CPED1: variants seen among roughly 807,000 people sequenced by gnomAD.
The protein encoded by CPED1 is cadherin-like and PC-esterase domain-containing protein 1.
Under a neutral mutation model 128.2 loss-of-function variants are expected in CPED1, and 114 were observed. The observed-to-expected ratio is 0.89, with a 90% confidence interval of 0.76 to 1.04. CPED1 has a LOEUF of 1.04. CPED1 is among the 50% of genes least tolerant of loss of function. CPED1 has a pLI of 0.00. For synonymous variants in CPED1, 462 were observed against 426.7 expected (o/e 1.08, Z -1.02); for missense variants, 1,211 against 1,207.1 (o/e 1.00, Z -0.05).
chr7:121,016,086 G>T (rs570390966), intron 3 of CPED1, among the ~76,000 whole-genome samples: 2 of 151,816 alleles, frequency 1.3e-5, no homozygotes, highest in Non-Finnish European at 2.9e-5. Flanking sequence ...TTTTGGAGTT[G>T]TATAGTTCAT....
At chr7:121,266,544 G>A (rs1792128342) in intron 19 of CPED1, 97 bp downstream of exon 19, 14 of 1,237,776 alleles carry the variant, frequency 1.1e-5, no homozygotes, top group Non-Finnish European at 1.7e-5. Flanking sequence ...CATCAAATGT[G>A]CTCAAAAGGT....
In CPED1 at chr7:121,271,267, T is replaced by C. The variant is rs61647996; in HGVS notation, c.2722-17T>C. Reference sequence around the variant, plus strand: ...CCTCTGGTAATAAAAATTCTCATTCTTCTGCTTTCCAATCAGAGTGAAGTA... The same window carrying C: ...CCTCTGGTAATAAAAATTCTCATTCCTCTGCTTTCCAATCAGAGTGAAGTA... On this transcript the variant is annotated splice_polypyrimidine_tract_variant and intron_variant, in intron 21 of 22. Coordinates refer to ENST00000310396, the MANE Select transcript of CPED1 (RefSeq NM_024913.5). 1.5e-3 allele frequency: 2,373 copies of C among 1,591,626 alleles called. 26 individuals are homozygous for C. The African/African-American group carries it at 0.026, about 18-fold the overall frequency.
intron 16 of CPED1, among the ~76,000 whole-genome samples, chr7:121,161,956 A>G (rs966340124): frequency 6.6e-6 from 1 of 152,190 alleles, no homozygotes; most frequent in African/African-American, 2.4e-5. Flanking sequence ...ATTGTCTATG[A>G]TTGGAGTAAC....
In CPED1 at chr7:121,185,416, C is replaced by T. The variant is rs1361963584; in HGVS notation, c.2055+43275C>T. 2.6e-5 allele frequency among the ~76,000 whole-genome samples: 4 copies of T among 152,158 alleles called. No homozygotes were observed. The East Asian group carries it at 7.7e-4, about 29-fold the overall frequency. On this transcript the variant is annotated intron_variant, in intron 16 of 22. Transcript: ENST00000310396. ...TATTTCAAAGTATCTATTTTTACCC[C>T]AAACAAGTTTACATTTTAATTCTAA...
rs192391243 is a variant in CPED1, at chr7:121,146,341, T to C, written c.2055+4200T>C. 3.3e-5 allele frequency among the ~76,000 whole-genome samples: 5 copies of C among 152,240 alleles called. 1 individual carries two copies. The highest frequency in any genetic ancestry group is 1.2e-4 in the African/African-American group (5 of 41,542). On this transcript the variant is annotated intron_variant, in intron 16 of 22. Coordinates refer to ENST00000310396, the MANE Select transcript of CPED1 (RefSeq NM_024913.5). Reference sequence around the variant, plus strand: ...ACTCATCCATTTATGAGAGTGGAACTCTCATGATTTAATCACATCCGAAAA... The same window carrying C: ...ACTCATCCATTTATGAGAGTGGAACCCTCATGATTTAATCACATCCGAAAA...
intron 5 of CPED1, among the ~76,000 whole-genome samples, chr7:121,092,697 A>G (rs1455990762): frequency 6.6e-6 from 1 of 152,176 alleles, no homozygotes; most frequent in Non-Finnish European, 1.5e-5. Flanking sequence ...GTTAGGGGGT[A>G]GGAGCTTGTT....
At chr7:121,036,551 T>TG (rs923303214) in intron 3 of CPED1, among the ~76,000 whole-genome samples, 7 of 150,822 alleles carry the variant, frequency 4.6e-5, no homozygotes, top group African/African-American at 1.7e-4. Flanking sequence ...GATGAGCATT[T>TG]GGGGCTGGTT....
At chr7:121,285,214 A>G (rs1016665218) in intron 22 of CPED1, among the ~76,000 whole-genome samples, 5 of 152,224 alleles carry the variant, frequency 3.3e-5, no homozygotes, top group Admixed American at 3.3e-4. Context: ...GAGCTGAAGC[A>G]GCTGGGACAC....
Position 121,266,435 on chromosome 7 carries a change from A to G in CPED1, c.2519A>G (p.His840Arg), listed in dbSNP as rs1792125152. 1.2e-6 allele frequency: 2 copies of G among 1,611,372 alleles called. No individual in the cohort carries two copies. The highest frequency in any genetic ancestry group is 1.7e-4 in the Middle Eastern group (1 of 6,044). The part of the protein sequence containing the change: ...LRPTFENALE[H>R]LLQRSRPLEN... ...CCAACATTTGAAAATGCACTTGAAC[A>G]CCTCTTGCAAAGGTACAATGAAACT... is the stretch of plus-strand genomic sequence containing the variant. Residue 840 changes from histidine to arginine, a missense_variant, in exon 19 of 23, where the codon CAC (histidine) becomes CGC (arginine). Transcript: ENST00000310396.
chr7:121,269,451 A>G (rs924284503), intron 21 of CPED1, among the ~76,000 whole-genome samples: 10 of 152,090 alleles, frequency 6.6e-5, no homozygotes, highest in African/African-American at 1.9e-4. Context: ...TAGTGCTGTG[A>G]TGAACATAGA....
At chr7:121,019,190 T>G (rs1310576548) in intron 3 of CPED1, among the ~76,000 whole-genome samples, 2 of 152,106 alleles carry the variant, frequency 1.3e-5, no homozygotes, top group African/African-American at 4.8e-5. Flanking sequence ...CACTGGTTAA[T>G]TCCTTTCTAG....
intron 3 of CPED1, among the ~76,000 whole-genome samples, chr7:121,034,247 CTTTTTTTTTT>C (rs3067998): frequency 6.1e-5 from 7 of 113,954 alleles, no homozygotes; most frequent in Admixed American, 4.5e-4. Context: ...GTTTTTTTTT[CTTTTTTTTTT>C]TTTTTTTTGA....
intron 7 of CPED1, among the ~76,000 whole-genome samples, chr7:121,116,633 T>C (rs1205344954): frequency 6.6e-6 from 1 of 152,134 alleles, no homozygotes; most frequent in Non-Finnish European, 1.5e-5. Context: ...TTCTTCTGGA[T>C]TTCAGGGTCC....
chr7:121,049,380 C>A (rs965551280), intron 4 of CPED1, among the ~76,000 whole-genome samples: 1 of 152,174 alleles, frequency 6.6e-6, no homozygotes, highest in Non-Finnish European at 1.5e-5. Context: ...GTAGCTTTTG[C>A]CATATCACAG....
intron 16 of CPED1, among the ~76,000 whole-genome samples, chr7:121,180,062 C>G (rs940357209): frequency 6.6e-6 from 1 of 152,036 alleles, no homozygotes; most frequent in Non-Finnish European, 1.5e-5. Context: ...TTTGACTATT[C>G]TCTCAGTGAA....
intron 16 of CPED1, among the ~76,000 whole-genome samples, chr7:121,219,497 T>C (rs1797831222): frequency 6.6e-6 from 1 of 152,102 alleles, no homozygotes; most frequent in Non-Finnish European, 1.5e-5. Flanking sequence ...TTTCCAATAT[T>C]AATGTCATAT....
At chr7:121,136,194 G>T in intron 14 of CPED1, 104 bp downstream of exon 14, 1 of 1,103,962 alleles carries the variant, frequency 9.1e-7, no homozygotes, top group Non-Finnish European at 1.3e-6. Flanking sequence ...ATCTTACGCT[G>T]ATAATTGTTA....
chr7:121,138,604 G>A (rs1329973214), intron 14 of CPED1, among the ~76,000 whole-genome samples: 4 of 152,044 alleles, frequency 2.6e-5, no homozygotes, highest in Admixed American at 6.6e-5. Flanking sequence ...AAGGAGGGCA[G>A]ACCCCATTGA....
At chr7:121,275,905 T>C (rs1792320505) in intron 22 of CPED1, among the ~76,000 whole-genome samples, 1 of 144,082 alleles carries the variant, frequency 6.9e-6, no homozygotes, top group Admixed American at 6.8e-5. Context: ...AATTTAAAAA[T>C]TAAAAAGAAA....
Sources: gnomAD v4.1 joint callset for allele counts (sites outside exome capture counted in the v4.1 genomes callset) on GRCh38, gnomAD v4.1.1 for gene constraint, MANE v1.5 for transcripts, NCBI Gene and HGNC (gene_info 2026-07-23, HGNC 2026-07-21) for gene names.